PPP3CA: variants seen among roughly 807,000 people sequenced by gnomAD.
The protein encoded by PPP3CA is protein phosphatase 3 catalytic subunit alpha, also known as CAM-PRP catalytic subunit.
PPP3CA carries 14 observed loss-of-function variants against 66.5 expected under a neutral mutation model. That is an observed-to-expected ratio of 0.21 (90% CI 0.14 to 0.33). The LOEUF (loss-of-function observed/expected upper bound fraction) is 0.33. Ranked by LOEUF, PPP3CA falls within the 10% of genes least tolerant of loss-of-function variation. PPP3CA has a pLI of 1.00. For synonymous variants in PPP3CA, 232 were observed against 226.2 expected (o/e 1.03, Z -0.23); for missense variants, 317 against 639.5 (o/e 0.50, Z 5.44).
In PPP3CA at chr4:101,317,253, AACACACAC is replaced by A. The variant is rs3840161; in HGVS notation, c.58+29478_58+29485del. 3.6e-3 allele frequency among the ~76,000 whole-genome samples: 517 copies of A among 145,390 alleles called. 3 individuals carry two copies. The highest frequency in any genetic ancestry group is 0.032 in the Middle Eastern group (9 of 284). On this transcript the variant is annotated intron_variant, in intron 1 of 13. Coordinates refer to ENST00000394854, the MANE Select transcript of PPP3CA (RefSeq NM_000944.5). ...GGAGGCCCCTTAACTCGGTACTCCC[AACACACAC>A]ACACACACACACACACACACACACA...
At chr4:101,303,101 C>T (rs1029783070) in intron 1 of PPP3CA, among the ~76,000 whole-genome samples, 27 of 152,194 alleles carry the variant, frequency 1.8e-4, no homozygotes, top group African/African-American at 6.0e-4. Flanking sequence ...CGTCAAAATG[C>T]GAGGGAAATA....
intron 1 of PPP3CA, among the ~76,000 whole-genome samples, chr4:101,280,601 C>A (rs1164859319): frequency 6.6e-6 from 1 of 152,038 alleles, no homozygotes; most frequent in East Asian, 1.9e-4. Context: ...GGGTGGATCA[C>A]CTGAGGTCAG....
intron 10 of PPP3CA, among the ~76,000 whole-genome samples, chr4:101,048,112 C>T (rs1433971057): frequency 3.3e-5 from 5 of 151,972 alleles, no homozygotes; most frequent in Non-Finnish European, 7.4e-5. Flanking sequence ...AGGAAATGTT[C>T]ATAGTGACTA....
chr4:101,073,560 T>C (rs1337913368), intron 8 of PPP3CA, among the ~76,000 whole-genome samples: 1 of 152,100 alleles, frequency 6.6e-6, no homozygotes, highest in African/African-American at 2.4e-5. Flanking sequence ...ACACGGCCTA[T>C]GTACCACCTC....
chr4:101,069,626 T>G (rs1354615027), intron 8 of PPP3CA, among the ~76,000 whole-genome samples: 1 of 152,114 alleles, frequency 6.6e-6, no homozygotes, highest in Non-Finnish European at 1.5e-5. Flanking sequence ...AACAATGCAG[T>G]TTTGAACTGC....
rs147934235 is a variant in PPP3CA, at chr4:101,203,234, C to A, written c.59-7118G>T. ...TTCCTCAGCCGGGTGCGGTGGCTCA[C>A]GCTGGTAATCCCAACACTTTGCGAG... On this transcript the variant is annotated intron_variant, in intron 1 of 13. Coordinates refer to ENST00000394854, the MANE Select transcript of PPP3CA (RefSeq NM_000944.5). Among the ~76,000 whole-genome samples the A allele has an allele frequency of 6.3e-3, 957 of 152,256 alleles. 7 individuals carry two copies. The highest frequency in any genetic ancestry group is 0.022 in the African/African-American group (927 of 41,538).
intron 1 of PPP3CA, among the ~76,000 whole-genome samples, chr4:101,252,998 C>A (rs747900080): frequency 1.3e-5 from 2 of 152,142 alleles, no homozygotes; most frequent in Non-Finnish European, 2.9e-5. Flanking sequence ...CATTGAGAAG[C>A]CTAATACACA....
intron 1 of PPP3CA, among the ~76,000 whole-genome samples, chr4:101,276,914 T>C (rs150672798): frequency 4.6e-5 from 7 of 152,032 alleles, no homozygotes; most frequent in African/African-American, 1.7e-4. Flanking sequence ...TTGAGGTTCA[T>C]TCTTTGTGTT....
intron 1 of PPP3CA, among the ~76,000 whole-genome samples, chr4:101,302,963 G>A (rs1228426905): frequency 6.6e-6 from 1 of 152,130 alleles, no homozygotes; most frequent in East Asian, 1.9e-4. Context: ...TAAAAATTGG[G>A]AATGGCCATT....
intron 1 of PPP3CA, among the ~76,000 whole-genome samples, chr4:101,323,258 C>G (rs1323290627): frequency 2.6e-5 from 4 of 152,168 alleles, no homozygotes; most frequent in Non-Finnish European, 4.4e-5. Context: ...TAGAGCGAAA[C>G]TATAAAATGC....
intron 2 of PPP3CA, among the ~76,000 whole-genome samples, chr4:101,189,166 G>A (rs1417337324): frequency 2.6e-5 from 4 of 152,006 alleles, no homozygotes; most frequent in African/African-American, 4.8e-5. Context: ...TAACTGCTAT[G>A]TAAATGGTTA....
chr4:101,078,334 T>C, intron 8 of PPP3CA, among the ~76,000 whole-genome samples: 1 of 152,196 alleles, frequency 6.6e-6, no homozygotes, highest in East Asian at 1.9e-4. Context: ...TCAAAGAGAT[T>C]AGCTTTTATG....
intron 1 of PPP3CA, among the ~76,000 whole-genome samples, chr4:101,261,674 G>C (rs968931206): frequency 1.4e-4 from 21 of 151,958 alleles, no homozygotes; most frequent in Non-Finnish European, 2.2e-4. Context: ...AAAAGTATCA[G>C]TGATCTCATT....
At chr4:101,335,662 G>T (rs1729606162) in intron 1 of PPP3CA, among the ~76,000 whole-genome samples, 1 of 152,172 alleles carries the variant, frequency 6.6e-6, no homozygotes, top group Non-Finnish European at 1.5e-5. Context: ...AGAGCATCAT[G>T]ACTGGCAATC....
chr4:101,155,260 A>G (rs1024884464), intron 2 of PPP3CA, among the ~76,000 whole-genome samples: 2 of 152,216 alleles, frequency 1.3e-5, no homozygotes, highest in Non-Finnish European at 2.9e-5. Context: ...GCTTGACACC[A>G]GGTATATACT....
At chr4:101,315,036 A>G (rs1055595552) in intron 1 of PPP3CA, among the ~76,000 whole-genome samples, 2 of 152,176 alleles carry the variant, frequency 1.3e-5, no homozygotes, top group Non-Finnish European at 2.9e-5. Flanking sequence ...TCCCCCCAAA[A>G]TTCACATGTT....
chr4:101,152,139 A>G (rs1351773492), intron 2 of PPP3CA, among the ~76,000 whole-genome samples: 1 of 152,228 alleles, frequency 6.6e-6, no homozygotes, highest in East Asian at 1.9e-4. Flanking sequence ...ATTTCTTTCT[A>G]AATATCCACA....
intron 2 of PPP3CA, among the ~76,000 whole-genome samples, chr4:101,115,568 T>C (rs1278239583): frequency 6.6e-6 from 1 of 151,982 alleles, no homozygotes; most frequent in Non-Finnish European, 1.5e-5. Context: ...AATTAAATTA[T>C]TGCATTAGAG....
At chr4:101,038,087 A>G (rs888563666) in intron 11 of PPP3CA, among the ~76,000 whole-genome samples, 9 of 152,160 alleles carry the variant, frequency 5.9e-5, no homozygotes, top group South Asian at 2.1e-4. Flanking sequence ...TGATTGTCAA[A>G]TGTGCATAAC....
Sources: gnomAD v4.1 joint callset for allele counts (sites outside exome capture counted in the v4.1 genomes callset) on GRCh38, gnomAD v4.1.1 for gene constraint, MANE v1.5 for transcripts, NCBI Gene and HGNC (gene_info 2026-07-23, HGNC 2026-07-21) for gene names.